Variants in PRKAR1A observed in about 807,000 individuals in gnomAD.
PRKAR1A encodes cAMP-dependent protein kinase type I-alpha regulatory subunit.
PRKAR1A carries 3 observed loss-of-function variants against 52.0 expected under a neutral mutation model. The ratio of observed to expected loss-of-function variants is 0.06; its 90% CI spans 0.03 to 0.15. PRKAR1A has a LOEUF of 0.15. Among genes scored for constraint, PRKAR1A ranks in the 10% least tolerant of loss-of-function variants. The probability of loss-of-function intolerance (pLI) is 1.00; values close to 1 mark genes in which losing one functional copy is unlikely to be tolerated. For missense variants in PRKAR1A, 240 were observed against 477.4 expected (o/e 0.50, Z 4.63); for synonymous variants, 188 against 168.4 (o/e 1.12, Z -0.90).
intron 2 of PRKAR1A, among the ~76,000 whole-genome samples, chr17:68,518,923 A>C (rs1052809294): frequency 6.6e-6 from 1 of 152,228 alleles, no homozygotes; most frequent in Non-Finnish European, 1.5e-5. Flanking sequence ...TTTCTAGGGC[A>C]GGGCCAAAAT....
intron 7 of PRKAR1A, among the ~76,000 whole-genome samples, chr17:68,526,619 C>A (rs2085799393): frequency 6.6e-6 from 1 of 152,132 alleles, no homozygotes; most frequent in South Asian, 2.1e-4. Flanking sequence ...TCCTTCGCAG[C>A]AACATAGATA....
the PRKAR1A span, among the ~76,000 whole-genome samples, chr17:68,488,486 G>C: frequency 1.3e-5 from 2 of 152,146 alleles, no homozygotes; most frequent in South Asian, 4.2e-4. Flanking sequence ...GCAGCACTTT[G>C]GGAGGCCGAG....
In PRKAR1A at chr17:68,532,875, G is replaced by A; in HGVS notation, c.*2426G>A. 2 of 1,066,308 alleles carry A rather than the reference G, an allele frequency of 1.9e-6. No individual in the cohort carries two copies. The highest frequency in any genetic ancestry group is 4.5e-5 in the South Asian group (1 of 21,986). The allele number at this position is 1,066,308 out of a possible 1,614,324, so 66.1% of individuals were successfully genotyped here. A position where few individuals can be genotyped will look rare whatever the true frequency, so the allele number is the denominator to read the frequency against. On this transcript the variant is annotated 3_prime_UTR_variant, in exon 11 of 11. Transcript: ENST00000589228. Reference sequence around the variant, plus strand: ...AATGAAAAGGGGGAAAGTGAATTATGGGATCGGTGTTTTGAAAGAGCAATG... The same window carrying A: ...AATGAAAAGGGGGAAAGTGAATTATAGGATCGGTGTTTTGAAAGAGCAATG...
chr17:68,433,778 T>TTTTTTTG, the PRKAR1A span, among the ~76,000 whole-genome samples: 4 of 65,754 alleles, frequency 6.1e-5, no homozygotes, highest in African/African-American at 1.9e-4. Flanking sequence ...TTTTTTTTTT[T>TTTTTTTG]TTTTTTTTTT....
rs2143277085 is a variant in PRKAR1A at position 68,522,967 on chromosome 17, C to T, written c.348+41C>T. 3.7e-6 allele frequency: 6 copies of T among 1,608,378 alleles called. No individual in the cohort carries two copies. In the East Asian group the frequency reaches 1.3e-4, roughly 36 times the overall value. ...GAATATCGGGGGGATGCTTTTGGGACCCACTTGGTGGTCATCTAGTCTCCT... is the reference window on the plus strand; with the variant it reads ...GAATATCGGGGGGATGCTTTTGGGATCCACTTGGTGGTCATCTAGTCTCCT... On this transcript the variant is annotated intron_variant, in intron 3 of 10. Transcript: ENST00000589228.
At chr17:68,523,895 T>C in intron 4 of PRKAR1A, 79 bp downstream of exon 4, 4 of 1,576,178 alleles carry the variant, frequency 2.5e-6, no homozygotes. Context: ...TGTTGCAAGT[T>C]TTAGAGCTCT....
the PRKAR1A span, among the ~76,000 whole-genome samples, chr17:68,495,972 CTCTCT>C: frequency 8.3e-5 from 3 of 36,110 alleles, no homozygotes; most frequent in African/African-American, 1.6e-4. Flanking sequence ...CTCTCCTCTC[CTCTCT>C]CCTCTCCTCT....
the PRKAR1A span, among the ~76,000 whole-genome samples, chr17:68,487,971 G>T: frequency 6.6e-6 from 1 of 152,012 alleles, no homozygotes; most frequent in Non-Finnish European, 1.5e-5. Context: ...TGAAGCTTAC[G>T]TTTGTATGAA....
the PRKAR1A span, among the ~76,000 whole-genome samples, chr17:68,481,300 T>C: frequency 6.6e-6 from 1 of 152,238 alleles, no homozygotes; most frequent in Non-Finnish European, 1.5e-5. Flanking sequence ...TTCAAGCTCA[T>C]TACATTTATT....
At chr17:68,517,281 A>G (rs1418901018) in intron 2 of PRKAR1A, among the ~76,000 whole-genome samples, 4 of 152,118 alleles carry the variant, frequency 2.6e-5, no homozygotes, top group African/African-American at 4.8e-5. Flanking sequence ...TAGATTTTCA[A>G]CTTGTTAGTG....
chr17:68,468,632 C>T, the PRKAR1A span, among the ~76,000 whole-genome samples: 1 of 152,186 alleles, frequency 6.6e-6, no homozygotes, highest in African/African-American at 2.4e-5. Context: ...TCCTATTTTC[C>T]TTATTGATTG....
At chr17:68,497,446 G>T in the PRKAR1A span, among the ~76,000 whole-genome samples, 1 of 152,202 alleles carries the variant, frequency 6.6e-6, no homozygotes, top group East Asian at 1.9e-4. Flanking sequence ...GTCCAATATG[G>T]TAGTCACTAG....
the PRKAR1A span, among the ~76,000 whole-genome samples, chr17:68,452,151 A>G: frequency 6.6e-6 from 1 of 152,282 alleles, no homozygotes; most frequent in African/African-American, 2.4e-5. Flanking sequence ...TTCACTAGAC[A>G]TGCTTCAACA....
chr17:68,435,830 C>G, the PRKAR1A span: 4 of 911,286 alleles, frequency 4.4e-6, no homozygotes, highest in Non-Finnish European at 7.0e-6. Flanking sequence ...CTGTCTCTTC[C>G]TCTGTCCCCC....
intron 7 of PRKAR1A, among the ~76,000 whole-genome samples, chr17:68,526,947 G>A (rs2085811512): frequency 6.6e-6 from 1 of 152,188 alleles, no homozygotes; most frequent in African/African-American, 2.4e-5. Flanking sequence ...TTATGGCAAA[G>A]ATAAGTCTAA....
intron 2 of PRKAR1A, among the ~76,000 whole-genome samples, chr17:68,516,341 G>T (rs1161523671): frequency 6.6e-6 from 1 of 152,046 alleles, no homozygotes; most frequent in Non-Finnish European, 1.5e-5. Flanking sequence ...AAAAGTCTGG[G>T]TTACCAAATA....
At chr17:68,510,926 G>A (rs545858850), upstream of PRKAR1A, among the ~76,000 whole-genome samples, 2 of 152,224 alleles carry the variant, frequency 1.3e-5, no homozygotes, top group South Asian at 4.1e-4. Context: ...GGGCAGCGCT[G>A]CCCAATAGGA....
intron 2 of PRKAR1A, among the ~76,000 whole-genome samples, chr17:68,518,335 C>G (rs890023741): frequency 1.3e-5 from 2 of 152,218 alleles, no homozygotes; most frequent in African/African-American, 4.8e-5. Context: ...CAGAGGTTCT[C>G]CAGGAGGGCC....
chr17:68,486,506 C>CTTCCTTCCTTCTTTCT, the PRKAR1A span, among the ~76,000 whole-genome samples: 14 of 48,250 alleles, frequency 2.9e-4, no homozygotes, highest in African/African-American at 7.1e-4. Flanking sequence ...TCCTTCCTTC[C>CTTCCTTCCTTCTTTCT]TTCTTTCTTT....
Sources: allele counts gnomAD v4.1 joint callset (sites outside exome capture counted in the v4.1 genomes callset), GRCh38; gene constraint gnomAD v4.1.1; transcripts MANE v1.5; gene names NCBI Gene and HGNC (gene_info 2026-07-23, HGNC 2026-07-21).